Variants in STARD7 observed in about 807,000 individuals in gnomAD.
The protein encoded by STARD7 is stAR-related lipid transfer protein 7, mitochondrial.
A neutral mutation model predicts 45.3 loss-of-function variants in STARD7; 30 were observed. The ratio of observed to expected loss-of-function variants is 0.66; its 90% confidence interval spans 0.50 to 0.90. The LOEUF is 0.90. STARD7 is among the 40% of genes least tolerant of loss of function. The probability of loss-of-function intolerance (pLI) is 0.00; values close to 1 mark genes in which losing one functional copy is unlikely to be tolerated. For missense variants in STARD7, 495 were observed against 491.3 expected (o/e 1.01, Z -0.07); for synonymous variants, 199 against 183.0 (o/e 1.09, Z -0.70).
intron 1 of STARD7, among the ~76,000 whole-genome samples, chr2:96,195,848 G>A (rs1432370348): frequency 1.3e-5 from 2 of 152,024 alleles, no homozygotes; most frequent in African/African-American, 2.4e-5. Flanking sequence ...AGGGCGTGGT[G>A]GCTCACGACT....
intron 1 of STARD7, among the ~76,000 whole-genome samples, chr2:96,206,022 TGGTTA>T (rs747749461): frequency 2.0e-5 from 3 of 152,166 alleles, no homozygotes; most frequent in Non-Finnish European, 2.9e-5. Flanking sequence ...ATTCCAAAGC[TGGTTA>T]ACTCAGAGCA....
At chr2:96,201,566 A>C (rs1225641649) in intron 1 of STARD7, among the ~76,000 whole-genome samples, 4 of 149,662 alleles carry the variant, frequency 2.7e-5, no homozygotes, top group Non-Finnish European at 5.9e-5. Flanking sequence ...CCAGCCTGGC[A>C]ACAGAGTAAG....
chr2:96,206,684 C>T (rs964099742), intron 1 of STARD7, among the ~76,000 whole-genome samples: 2 of 151,390 alleles, frequency 1.3e-5, no homozygotes, highest in Admixed American at 1.3e-4. Flanking sequence ...GCCTGTAGTC[C>T]CAGCTACTCG....
chr2:96,195,051 T>C, intron 2 of STARD7, 44 bp from the exon 3 acceptor site: 1 of 1,536,302 alleles, frequency 6.5e-7, no homozygotes, highest in Non-Finnish European at 8.9e-7. Flanking sequence ...CATACTCCAG[T>C]CACTCGCCTT....
chr2:96,196,806 G>A (rs1350022288), intron 1 of STARD7, among the ~76,000 whole-genome samples: 2 of 151,910 alleles, frequency 1.3e-5, no homozygotes, highest in East Asian at 2.0e-4. Flanking sequence ...AGTGGCTCAC[G>A]CCTGTAATCC....
Position 96,208,727 on chromosome 2 carries a change from A to C in STARD7, c.-293T>G, listed in dbSNP as rs1459704198. 4.9e-6 allele frequency: 2 copies of C among 409,150 alleles called. No individual in the cohort carries two copies. The highest frequency in any genetic ancestry group is 4.1e-5 in the African/African-American group (2 of 48,820). 25.3% of individuals were successfully genotyped at this position (409,150 alleles called of 1,614,324 possible). A position where few individuals can be genotyped will look rare whatever the true frequency, so the allele number is the denominator to read the frequency against. On this transcript the variant is annotated 5_prime_UTR_variant, in exon 1 of 8. Transcript: ENST00000337288. ...GCCCTGTGGCTCCTCGGCGACCTCC[A>C]GCGGGCGCCCGGGGCCGGGATGCAG... is the stretch of plus-strand genomic sequence containing the variant.
chr2:96,194,604 G>T lies in STARD7; in HGVS notation c.549+354C>A, dbSNP rs117320915. Among the ~76,000 whole-genome samples the T allele has an allele frequency of 2.0e-3, 304 of 152,224 alleles. 9 individuals are homozygous for T. In the East Asian group the frequency reaches 0.038, roughly 19 times the overall value. On this transcript the variant is annotated intron_variant, in intron 3 of 7. Transcript: ENST00000337288. Reference sequence around the variant, plus strand: ...AAATACGGCATATGGCTAGTTTTAGGAAATACACACTGGAAGAATTTAGGA... The same window carrying T: ...AAATACGGCATATGGCTAGTTTTAGTAAATACACACTGGAAGAATTTAGGA...
At chr2:96,197,790 T>C (rs886386000) in intron 1 of STARD7, among the ~76,000 whole-genome samples, 4 of 152,242 alleles carry the variant, frequency 2.6e-5, no homozygotes, top group Non-Finnish European at 4.4e-5. Flanking sequence ...CTCTATGGAG[T>C]TGCCAATTCT....
intron 1 of STARD7, among the ~76,000 whole-genome samples, chr2:96,202,056 T>G (rs576724690): frequency 1.3e-5 from 2 of 152,262 alleles, no homozygotes; most frequent in South Asian, 4.1e-4. Context: ...ATGAAAATAT[T>G]TATATAGGGG....
intron 6 of STARD7, among the ~76,000 whole-genome samples, chr2:96,191,769 C>T (rs1431382941): frequency 6.6e-6 from 1 of 151,860 alleles, no homozygotes; most frequent in Non-Finnish European, 1.5e-5. Context: ...AGCCCTAAAT[C>T]GAACACAAGC....
At position 96,186,718 on chromosome 2, in the gene STARD7, T is replaced by C. The variant is rs1343526947; in HGVS notation, c.*12A>G. The C allele has an allele frequency of 6.3e-7, 1 of 1,596,528 alleles. No homozygotes were observed. Among genetic ancestry groups the C allele is most frequent in the African/African-American group, 1.3e-5 (1 of 74,350 alleles). On this transcript the variant is annotated 3_prime_UTR_variant, in exon 8 of 8. Coordinates refer to ENST00000337288, the MANE Select transcript of STARD7 (RefSeq NM_020151.4). Reference sequence around the variant, plus strand: ...GCTAGAAGCACCTTGTCCCTTCTTATCCCAAAGCCTGTCAAGCATACTCAA... The same window carrying C: ...GCTAGAAGCACCTTGTCCCTTCTTACCCCAAAGCCTGTCAAGCATACTCAA...
At chr2:96,200,483 A>G (rs1163419013) in intron 1 of STARD7, among the ~76,000 whole-genome samples, 6 of 152,224 alleles carry the variant, frequency 3.9e-5, no homozygotes, top group African/African-American at 1.4e-4. Flanking sequence ...TATATACAAC[A>G]AATTGGGATA....
At chr2:96,206,302 T>TCTA (rs2104209558) in intron 1 of STARD7, among the ~76,000 whole-genome samples, 1 of 152,252 alleles carries the variant, frequency 6.6e-6, no homozygotes, top group South Asian at 2.1e-4. Context: ...AAGAGTGTCA[T>TCTA]CTACTACGTA....
At chr2:96,196,459 CTT>C (rs1330567428) in intron 1 of STARD7, among the ~76,000 whole-genome samples, 1 of 151,890 alleles carries the variant, frequency 6.6e-6, no homozygotes, top group Non-Finnish European at 1.5e-5. Context: ...GACTCTGTCT[CTT>C]TTTTTTGTTT....
intron 5 of STARD7, 85 bp from the exon 6 acceptor site, chr2:96,192,553 A>C: frequency 1.0e-6 from 1 of 986,456 alleles, no homozygotes; most frequent in Non-Finnish European, 1.6e-6. Flanking sequence ...GAAGGCCTAA[A>C]AAGCTGGCTC....
At chr2:96,202,231 G>A (rs1227620118) in intron 1 of STARD7, among the ~76,000 whole-genome samples, 1 of 152,142 alleles carries the variant, frequency 6.6e-6, no homozygotes, top group Non-Finnish European at 1.5e-5. Context: ...TAACACAAAG[G>A]CACAGGATCT....
chr2:96,201,395 C>T (rs941282462), intron 1 of STARD7, among the ~76,000 whole-genome samples: 3 of 128,978 alleles, frequency 2.3e-5, no homozygotes, highest in Non-Finnish European at 4.8e-5. Flanking sequence ...GGGCAACATG[C>T]AAAACTCCAC....
chr2:96,186,563 G>A lies in STARD7; in HGVS notation c.*167C>T. On this transcript the variant is annotated 3_prime_UTR_variant, in exon 8 of 8. Transcript: ENST00000337288. The stretch of plus-strand genomic sequence containing the variant: ...GTAGCCTTCTTCTGTTTTGATAAGA[G>A]CAATAAGGGCTCTGAATGAAATGGG... The A allele has an allele frequency of 2.0e-6, 1 of 496,698 alleles. No individual in the cohort carries two copies. The highest frequency in any genetic ancestry group is 3.5e-6 in the Non-Finnish European group (1 of 285,570). 30.8% of individuals were successfully genotyped at this position (496,698 alleles called of 1,614,324 possible). A position where few individuals can be genotyped will look rare whatever the true frequency, so the allele number is the denominator to read the frequency against.
chr2:96,191,834 C>G (rs1477243271), intron 6 of STARD7, among the ~76,000 whole-genome samples: 1 of 152,106 alleles, frequency 6.6e-6, no homozygotes, highest in Admixed American at 6.6e-5. Flanking sequence ...CCAGCAGCCA[C>G]TAGCATCAAT....
Sources: gnomAD v4.1 joint callset for allele counts (sites outside exome capture counted in the v4.1 genomes callset) on GRCh38, gnomAD v4.1.1 for gene constraint, MANE v1.5 for transcripts, NCBI Gene and HGNC (gene_info 2026-07-23, HGNC 2026-07-21) for gene names.